Variants in ST14 observed in about 807,000 individuals in gnomAD.
ST14 encodes the protein ST14 transmembrane serine protease matriptase.
Under a neutral mutation model 96.5 loss-of-function variants are expected in ST14, and 40 were observed. The ratio of observed to expected loss-of-function variants is 0.41; its 90% CI spans 0.32 to 0.54. The LOEUF (loss-of-function observed/expected upper bound fraction) is 0.54, where lower values mean the gene tolerates loss of function less well. Ranked by LOEUF, ST14 falls within the 20% of genes least tolerant of loss-of-function variation. The pLI is 0.17. For missense variants in ST14, 1,066 were observed against 1,188.9 expected, an observed-to-expected ratio of 0.90 and a Z score of 1.52; for synonymous variants, 506 against 492.1, an observed-to-expected ratio of 1.03 and a Z score of -0.37.
chr11:130,185,559 T>C (rs1168363612), intron 1 of ST14, among the ~76,000 whole-genome samples: 1 of 152,042 alleles, frequency 6.6e-6, no homozygotes, highest in Non-Finnish European at 1.5e-5. Flanking sequence ...AGGAGGCTGA[T>C]GTGGGAGGAT....
At chr11:130,164,801 G>C (rs1953028434) in intron 1 of ST14, among the ~76,000 whole-genome samples, 1 of 151,292 alleles carries the variant, frequency 6.6e-6, no homozygotes, top group Non-Finnish European at 1.5e-5. Flanking sequence ...GCAATGGTGT[G>C]ATCTCAGCTC....
intron 1 of ST14, among the ~76,000 whole-genome samples, chr11:130,176,235 T>C (rs1953136325): frequency 6.6e-6 from 1 of 152,122 alleles, no homozygotes; most frequent in Non-Finnish European, 1.5e-5. Context: ...TGGTACCTCT[T>C]TTTCTAGTTA....
At chr11:130,171,959 T>C (rs1430680379) in intron 1 of ST14, among the ~76,000 whole-genome samples, 1 of 152,168 alleles carries the variant, frequency 6.6e-6, no homozygotes, top group Non-Finnish European at 1.5e-5. Context: ...GGGCAGTCTG[T>C]CGGTTTCGTG....
intron 1 of ST14, among the ~76,000 whole-genome samples, chr11:130,177,643 A>G (rs906615842): frequency 1.3e-4 from 20 of 152,296 alleles, no homozygotes; most frequent in African/African-American, 4.3e-4. Flanking sequence ...TTCTGGCCCC[A>G]CTAGCTTCCT....
chr11:130,178,609 C>T (rs542347027), intron 1 of ST14, among the ~76,000 whole-genome samples: 2 of 152,296 alleles, frequency 1.3e-5, no homozygotes, highest in Admixed American at 6.5e-5. Flanking sequence ...TCCTGGGGGA[C>T]TTTCCTTCAG....
chr11:130,194,325 G>A (rs373259520), intron 8 of ST14, 37 bp downstream of exon 8: 2 of 1,613,612 alleles, frequency 1.2e-6, no homozygotes, highest in South Asian at 1.1e-5. Flanking sequence ...CTGCCCTCGG[G>A]CCACAGAGAA....
At chr11:130,183,323 T>C (rs898873933) in intron 1 of ST14, among the ~76,000 whole-genome samples, 82 of 152,350 alleles carry the variant, frequency 5.4e-4, no homozygotes, top group African/African-American at 1.9e-3. Flanking sequence ...ATCTGTGTTT[T>C]CTCATTCTTA....
chr11:130,208,539 C>T lies in ST14; in HGVS notation c.2124C>T (p.Phe708=), dbSNP rs753264422. The T allele has an allele frequency of 2.8e-5, 46 of 1,614,132 alleles. 1 individual carries two copies. The East Asian group carries it at 1.0e-3, about 35-fold the overall frequency. Residue 708 remains phenylalanine, a synonymous_variant, in exon 17 of 19, where the codon TTC becomes TTT. Transcript: ENST00000278742. ...ACCCCTTCTTCAATGACTTCACCTT[C>T]GACTATGACATCGCGCTGCTGGAGC... is the stretch of plus-strand genomic sequence containing the variant. ...ISHPFFNDFT[F]DYDIALLELE...
At chr11:130,204,773 C>T (rs560782808) in intron 16 of ST14, among the ~76,000 whole-genome samples, 66 of 152,174 alleles carry the variant, frequency 4.3e-4, no homozygotes, top group African/African-American at 1.6e-3. Context: ...AAGATCATGC[C>T]ACTACACTCC....
intron 1 of ST14, among the ~76,000 whole-genome samples, chr11:130,177,218 G>T (rs2136206558): frequency 6.6e-6 from 1 of 152,126 alleles, no homozygotes; most frequent in East Asian, 1.9e-4. Flanking sequence ...TAGCCAACCG[G>T]ATGAGTAGGG....
chr11:130,197,288 C>T lies in ST14; in HGVS notation c.1355-553C>T, dbSNP rs571578323. Reference sequence around the variant, plus strand: ...TTTGATCTAAACACTTACCTGTGACCGAAGTGTCCCTGTGCCGAGGCGGTG... The same window carrying T: ...TTTGATCTAAACACTTACCTGTGACTGAAGTGTCCCTGTGCCGAGGCGGTG... On this transcript the variant is annotated intron_variant, in intron 11 of 18. Coordinates refer to ENST00000278742, the MANE Select transcript of ST14 (RefSeq NM_021978.4). 2.6e-5 allele frequency among the ~76,000 whole-genome samples: 4 copies of T among 152,336 alleles called. No homozygotes were observed. In the East Asian group the frequency reaches 5.8e-4, roughly 22 times the overall value.
chr11:130,188,706 C>T lies in ST14; in HGVS notation c.369+49C>T. 3 of 1,613,750 alleles carry T rather than the reference C, an allele frequency of 1.9e-6. No homozygotes were observed. The highest frequency in any genetic ancestry group is 1.1e-5 in the South Asian group (1 of 91,058). On this transcript the variant is annotated intron_variant, in intron 3 of 18. Transcript: ENST00000278742. This position sits in a 1 kb window ranked among gnomAD's most constrained non-coding sequence, Gnocchi z 5.4. ...CTGCTGGGCTGTGTGCGCTGGTGTC[C>T]CACCTGCTGGGCAGGAGGGACATGC...
chr11:130,193,050 T>C (rs1296437941), intron 7 of ST14, among the ~76,000 whole-genome samples: 1 of 151,992 alleles, frequency 6.6e-6, no homozygotes. Flanking sequence ...ATAGAGCTGT[T>C]AGGAAGATTA....
At chr11:130,166,564 G>A (rs1175948978) in intron 1 of ST14, among the ~76,000 whole-genome samples, 1 of 152,208 alleles carries the variant, frequency 6.6e-6, no homozygotes, top group Non-Finnish European at 1.5e-5. Flanking sequence ...CTCCACAGAT[G>A]ACACCAGCTG....
intron 16 of ST14, among the ~76,000 whole-genome samples, chr11:130,208,019 C>T (rs559786726): frequency 4.1e-4 from 63 of 151,972 alleles, no homozygotes; most frequent in African/African-American, 1.4e-3. Context: ...TGCAGTGAGC[C>T]GAGATCATGC....
In ST14 at chr11:130,196,717, G is replaced by T. The variant is rs370495405; in HGVS notation, c.1354+17G>T. 1.2e-6 allele frequency: 2 copies of T among 1,614,184 alleles called. No individual in the cohort carries two copies. Among genetic ancestry groups the T allele is most frequent in the South Asian group, 1.1e-5 (1 of 91,082 alleles). ...CCAGTGACCGTGAGTGAACATTGTTGGGAGGAGGGCTGGCGGGGGCCTGCA... is the reference window on the plus strand; with the variant it reads ...CCAGTGACCGTGAGTGAACATTGTTTGGAGGAGGGCTGGCGGGGGCCTGCA... On this transcript the variant is annotated intron_variant, in intron 11 of 18. Transcript: ENST00000278742.
At chr11:130,208,044 A>AG (rs1427122123) in intron 16 of ST14, among the ~76,000 whole-genome samples, 1 of 152,166 alleles carries the variant, frequency 6.6e-6, no homozygotes, top group Non-Finnish European at 1.5e-5. Flanking sequence ...ACCGCACTCC[A>AG]GTCTGGGTGA....
rs1449262802 is a variant in ST14 at position 130,198,921 on chromosome 11, C to T, written c.1685-26C>T. The T allele has an allele frequency of 1.9e-6, 3 of 1,613,466 alleles. No individual in the cohort carries two copies. In the African/African-American group the frequency reaches 4.0e-5, roughly 22 times the overall value. Reference sequence around the variant, plus strand: ...TCGGATGCTGCAGAGGAATTGAGCCCCTCCCTTGTCCTCCTCCTTGAACAG... The same window carrying T: ...TCGGATGCTGCAGAGGAATTGAGCCTCTCCCTTGTCCTCCTCCTTGAACAG... On this transcript the variant is annotated intron_variant, in intron 14 of 18. Transcript: ENST00000278742.
Position 130,208,554 on chromosome 11 carries a change from G to A in ST14, c.2139G>A (p.Ala713=). ...ACTTCACCTTCGACTATGACATCGCGCTGCTGGAGCTGGAGAAACCGGCAG... is the reference window on the plus strand; with the variant it reads ...ACTTCACCTTCGACTATGACATCGCACTGCTGGAGCTGGAGAAACCGGCAG... ...FNDFTFDYDI[A]LLELEKPAEY... Residue 713 remains alanine, a synonymous_variant, in exon 17 of 19, where the codon GCG becomes GCA. Transcript: ENST00000278742. 2 of 1,614,210 alleles carry A rather than the reference G, an allele frequency of 1.2e-6. No individual in the cohort carries two copies. The highest frequency in any genetic ancestry group is 1.1e-5 in the South Asian group (1 of 91,090).
Sources: gnomAD v4.1 joint callset for allele counts (sites outside exome capture counted in the v4.1 genomes callset) on GRCh38, gnomAD v4.1.1 for gene constraint, Gnocchi (gnomAD v3.1) non-coding constraint, MANE v1.5 for transcripts, NCBI Gene and HGNC (gene_info 2026-07-23, HGNC 2026-07-21) for gene names.